Variants in HHIP observed in about 807,000 individuals in gnomAD.
The protein encoded by HHIP is hedgehog interacting protein.
In HHIP, 12 loss-of-function variants were observed where a neutral mutation model predicts 74.0. That is an observed-to-expected ratio of 0.16 (90% CI 0.10 to 0.26). The LOEUF (loss-of-function observed/expected upper bound fraction) is 0.26, where lower values mean the gene tolerates loss of function less well. Among genes scored for constraint, HHIP ranks in the 10% least tolerant of loss-of-function variants. The pLI, the probability that HHIP is intolerant of heterozygous loss-of-function variation, is 1.00. For missense variants in HHIP, 788 were observed against 845.0 expected (o/e 0.93, Z 0.84); for synonymous variants, 309 against 311.6 (o/e 0.99, Z 0.09).
intron 10 of HHIP, among the ~76,000 whole-genome samples, chr4:144,716,025 A>G (rs527836638): frequency 1.3e-5 from 2 of 152,344 alleles, no homozygotes; most frequent in Admixed American, 1.3e-4. Context: ...TGCAGCTTAA[A>G]AAGCAAAAAA....
intron 11 of HHIP, among the ~76,000 whole-genome samples, chr4:144,729,634 G>A (rs570231656): frequency 1.2e-4 from 19 of 152,310 alleles, no homozygotes; most frequent in Non-Finnish European, 2.4e-4. Flanking sequence ...ATGAAAGAAA[G>A]CATGGAAGAA....
intron 4 of HHIP, among the ~76,000 whole-genome samples, chr4:144,664,506 G>T (rs1229882906): frequency 1.3e-5 from 2 of 152,076 alleles, no homozygotes; most frequent in Non-Finnish European, 2.9e-5. Context: ...TCTTTGACTT[G>T]CAATCTTAAG....
At chr4:144,712,965 A>C (rs1322107562) in intron 8 of HHIP, among the ~76,000 whole-genome samples, 5 of 151,902 alleles carry the variant, frequency 3.3e-5, no homozygotes, top group South Asian at 2.1e-4. Context: ...AAAAAAAAAA[A>C]AAACTAATGA....
At chr4:144,674,342 C>T (rs771133612) in intron 4 of HHIP, among the ~76,000 whole-genome samples, 1 of 152,168 alleles carries the variant, frequency 6.6e-6, no homozygotes, top group Non-Finnish European at 1.5e-5. Flanking sequence ...TAATGTTAAA[C>T]TCAATATCTT....
At chr4:144,656,661 C>A (rs1728565291) in intron 2 of HHIP, among the ~76,000 whole-genome samples, 1 of 152,138 alleles carries the variant, frequency 6.6e-6, no homozygotes, top group Non-Finnish European at 1.5e-5. Context: ...ACTCACATAT[C>A]CAGTTATAAA....
chr4:144,670,331 C>A (rs553662588), intron 4 of HHIP, among the ~76,000 whole-genome samples: 1 of 146,794 alleles, frequency 6.8e-6, no homozygotes, highest in Admixed American at 6.8e-5. Flanking sequence ...CATGGTGGTG[C>A]GTGCCTGCAA....
At chr4:144,647,740 G>A (rs562490417) in intron 1 of HHIP, among the ~76,000 whole-genome samples, 2 of 152,236 alleles carry the variant, frequency 1.3e-5, no homozygotes, top group South Asian at 4.1e-4. Flanking sequence ...GCTTGTTTTT[G>A]AGTTTGCAAT....
chr4:144,699,507 T>C (rs1293152073), intron 4 of HHIP, among the ~76,000 whole-genome samples: 1 of 152,076 alleles, frequency 6.6e-6, no homozygotes, highest in Non-Finnish European at 1.5e-5. Context: ...ACCTCCAACC[T>C]CTCTTGCTCC....
chr4:144,740,622 T>A lies in HHIP; in HGVS notation c.*2665T>A, dbSNP rs1391888846. ...ACCTTTTCTTTCAAGTAGATTTTTT[T>A]AAATGCATGACTGGAGAATTATCTT... On this transcript the variant is annotated 3_prime_UTR_variant, in exon 13 of 13. Transcript: ENST00000296575. The A allele has an allele frequency of 6.6e-6, 1 of 152,216 alleles. No homozygotes were observed. Among genetic ancestry groups the A allele is most frequent in the Admixed American group, 6.5e-5 (1 of 15,282 alleles). The allele number at this position is 152,216 out of a possible 1,614,324, so 9.4% of individuals were successfully genotyped here. A position where few individuals can be genotyped will look rare whatever the true frequency, so the allele number is the denominator to read the frequency against.
rs201257837 is a variant in HHIP at position 144,646,570 on chromosome 4, C to G, written c.-106C>G. 10 of 1,190,920 alleles carry G rather than the reference C, an allele frequency of 8.4e-6. No homozygotes were observed. Among genetic ancestry groups the G allele is most frequent in the Non-Finnish European group, 1.2e-5 (10 of 838,582 alleles). 73.8% of individuals were successfully genotyped at this position (1,190,920 alleles called of 1,614,324 possible). ...CACCTCCCTCTGTCTCTGGAGTGCCCTACAGCCCCGCAAACTCCTCCTGGA... is the reference window on the plus strand; with the variant it reads ...CACCTCCCTCTGTCTCTGGAGTGCCGTACAGCCCCGCAAACTCCTCCTGGA... On this transcript the variant is annotated 5_prime_UTR_variant, in exon 1 of 13. Coordinates refer to ENST00000296575, the MANE Select transcript of HHIP (RefSeq NM_022475.3).
intron 7 of HHIP, 35 bp from the exon 8 acceptor site, chr4:144,711,915 G>A (rs757549000): frequency 4.3e-5 from 68 of 1,594,410 alleles, no homozygotes; most frequent in Non-Finnish European, 5.3e-5. Context: ...AAAGATCACG[G>A]TAGGAATTAA....
chr4:144,714,141 A>G, intron 8 of HHIP, 84 bp from the exon 9 acceptor site: 1 of 1,187,094 alleles, frequency 8.4e-7, no homozygotes, highest in Non-Finnish European at 1.2e-6. Flanking sequence ...GAGTTAAATT[A>G]CTATAGTAAT....
intron 4 of HHIP, among the ~76,000 whole-genome samples, chr4:144,681,302 C>T (rs1313669619): frequency 6.6e-6 from 1 of 151,848 alleles, no homozygotes; most frequent in Non-Finnish European, 1.5e-5. Context: ...TGAATTGTTT[C>T]ACAACCGTTC....
intron 11 of HHIP, among the ~76,000 whole-genome samples, chr4:144,727,705 T>C (rs1318130746): frequency 1.3e-5 from 2 of 152,186 alleles, no homozygotes; most frequent in Non-Finnish European, 2.9e-5. Context: ...ACTTTTCATG[T>C]CCTGAATTTC....
At chr4:144,709,114 G>T (rs1029596088) in intron 7 of HHIP, among the ~76,000 whole-genome samples, 12 of 152,266 alleles carry the variant, frequency 7.9e-5, no homozygotes, top group African/African-American at 2.6e-4. Flanking sequence ...CACTAAGTAG[G>T]TTATTATTAC....
chr4:144,646,257 C>A lies in HHIP; in HGVS notation c.-419C>A. The A allele has an allele frequency of 6.0e-6, 1 of 167,244 alleles. No individual in the cohort carries two copies. Among genetic ancestry groups the A allele is most frequent in the South Asian group, 1.6e-4 (1 of 6,190 alleles). 10.4% of individuals were successfully genotyped at this position (167,244 alleles called of 1,614,324 possible). On this transcript the variant is annotated 5_prime_UTR_variant, in exon 1 of 13. Transcript: ENST00000296575. ...CCTCCGCCTGCCCCGCCGCCGCCGT[C>A]GCCGTTTCTGTTCCTGCTACTGTCC...
At chr4:144,710,147 A>C (rs1360693943) in intron 7 of HHIP, among the ~76,000 whole-genome samples, 1 of 152,344 alleles carries the variant, frequency 6.6e-6, no homozygotes, top group Admixed American at 6.5e-5. Context: ...CATAGCTCCA[A>C]GCCCCCAGCA....
intron 11 of HHIP, among the ~76,000 whole-genome samples, chr4:144,722,369 T>C (rs1364605979): frequency 1.3e-5 from 2 of 152,218 alleles, no homozygotes; most frequent in African/African-American, 4.8e-5. Context: ...GAAGATGATA[T>C]TTCTGTCCCT....
At chr4:144,720,919 GAAAC>G (rs1282925589) in intron 11 of HHIP, among the ~76,000 whole-genome samples, 1 of 152,030 alleles carries the variant, frequency 6.6e-6, no homozygotes, top group Admixed American at 6.6e-5. Flanking sequence ...GATTATTTTG[GAAAC>G]AAACTAATTA....
Sources: allele counts gnomAD v4.1 joint callset (sites outside exome capture counted in the v4.1 genomes callset), GRCh38; gene constraint gnomAD v4.1.1; transcripts MANE v1.5; gene names NCBI Gene and HGNC (gene_info 2026-07-23, HGNC 2026-07-21).